PITHD1: variants seen among roughly 807,000 people sequenced by gnomAD.
PITHD1 encodes PITH domain-containing protein 1.
A neutral mutation model predicts 27.5 loss-of-function variants in PITHD1; 8 were observed. The ratio of observed to expected loss-of-function variants is 0.29; its 90% CI spans 0.17 to 0.52. PITHD1 has a LOEUF of 0.52. Ranked by LOEUF, PITHD1 falls within the 20% of genes least tolerant of loss-of-function variation. The pLI is 0.96. For synonymous variants in PITHD1, 118 were observed against 106.8 expected, an observed-to-expected ratio of 1.10 and a Z score of -0.64; for missense variants, 233 against 283.9, an observed-to-expected ratio of 0.82 and a Z score of 1.29.
In PITHD1 at chr1:23,788,200, A is replaced by G. The variant is rs1049691402; in HGVS notation, c.*824A>G. ...TCATGGCTTTTATTCACTGTGACTAATAAGCTTCCTAATAAATCCTTGCCA... is the reference window on the plus strand; with the variant it reads ...TCATGGCTTTTATTCACTGTGACTAGTAAGCTTCCTAATAAATCCTTGCCA... On this transcript the variant is annotated 3_prime_UTR_variant, in exon 6 of 6. Transcript: ENST00000246151. 1 of 152,240 alleles carries G rather than the reference A, an allele frequency of 6.6e-6. No homozygotes were observed. Among genetic ancestry groups the G allele is most frequent in the African/African-American group, 2.4e-5 (1 of 41,470 alleles). 9.4% of individuals were successfully genotyped at this position (152,240 alleles called of 1,614,324 possible).
At chr1:23,780,911 A>G (rs1638587091) in intron 3 of PITHD1, among the ~76,000 whole-genome samples, 1 of 150,128 alleles carries the variant, frequency 6.7e-6, no homozygotes, top group South Asian at 2.1e-4. Flanking sequence ...AAAAAATTCA[A>G]ATCCTAAAGG....
intron 3 of PITHD1, among the ~76,000 whole-genome samples, chr1:23,780,308 G>A (rs1373508531): frequency 6.6e-6 from 1 of 151,978 alleles, no homozygotes; most frequent in African/African-American, 2.4e-5. Context: ...ATTTTTCCTT[G>A]CTATTTCATA....
In PITHD1 at chr1:23,787,578, G is replaced by A. The variant is rs1017217381; in HGVS notation, c.*202G>A. 7 of 420,366 alleles carry A rather than the reference G, an allele frequency of 1.7e-5. No homozygotes were observed. Among genetic ancestry groups the A allele is most frequent in the African/African-American group, 1.2e-4 (6 of 49,434 alleles). The allele number at this position is 420,366 out of a possible 1,614,324, so 26.0% of individuals were successfully genotyped here. A position where few individuals can be genotyped will look rare whatever the true frequency, so the allele number is the denominator to read the frequency against. ...GTTGTGTAGGTGCCAGGGGACCATC[G>A]TGGTTCTCTAGGGCGCTGTGGAAAT... is the stretch of plus-strand genomic sequence containing the variant. On this transcript the variant is annotated 3_prime_UTR_variant, in exon 6 of 6. Transcript: ENST00000246151.
In PITHD1 at chr1:23,779,857, C is replaced by T. The variant is rs769750765; in HGVS notation, c.243-7C>T. 1.2e-6 allele frequency: 2 copies of T among 1,610,126 alleles called. No individual in the cohort carries two copies. Among genetic ancestry groups the T allele is most frequent in the African/African-American group, 1.3e-5 (1 of 74,818 alleles). On this transcript the variant is annotated splice_region_variant and splice_polypyrimidine_tract_variant and intron_variant, in intron 2 of 5. Coordinates refer to ENST00000246151, the MANE Select transcript of PITHD1 (RefSeq NM_020362.5). ...GTTTGACAACCTTCTCTTTTGCATT[C>T]TGGCAGATTTACGGGCAATGTCAAG...
chr1:23,783,782 A>C lies in PITHD1; in HGVS notation c.321-1893A>C, dbSNP rs149567639. Among the ~76,000 whole-genome samples, 930 of 152,176 alleles carry C rather than the reference A, an allele frequency of 6.1e-3. 3 individuals are homozygous for C. Among genetic ancestry groups the C allele is most frequent in the Non-Finnish European group, 9.7e-3 (659 of 67,998 alleles). On this transcript the variant is annotated intron_variant, in intron 3 of 5. Coordinates refer to ENST00000246151, the MANE Select transcript of PITHD1 (RefSeq NM_020362.5). ...TACTGGAATATTTATAGGTGAAATG[A>C]TGTGTCTGGGATTGCTTTAAAATAT...
Position 23,787,396 on chromosome 1 carries a change from T to C in PITHD1, c.*20T>C, listed in dbSNP as rs920953174. ...TCCTAAGGGCTGGCCAAGGCTCCCA[T>C]AGAGGCGCTGTGTCAGTGAAGATGT... On this transcript the variant is annotated 3_prime_UTR_variant, in exon 6 of 6. Transcript: ENST00000246151. The C allele has an allele frequency of 5.2e-6, 7 of 1,338,076 alleles. No individual in the cohort carries two copies. Among genetic ancestry groups the C allele is most frequent in the South Asian group, 4.7e-5 (4 of 84,402 alleles). 82.9% of individuals were successfully genotyped at this position (1,338,076 alleles called of 1,614,324 possible). A position where few individuals can be genotyped will look rare whatever the true frequency, so the allele number is the denominator to read the frequency against.
chr1:23,781,279 A>G (rs1410633767), intron 3 of PITHD1, among the ~76,000 whole-genome samples: 1 of 152,156 alleles, frequency 6.6e-6, no homozygotes, highest in Non-Finnish European at 1.5e-5. Context: ...CCTGGTCAAC[A>G]TGGCGAAACC....
intron 3 of PITHD1, among the ~76,000 whole-genome samples, chr1:23,781,066 TA>T (rs1638589749): frequency 6.6e-6 from 1 of 151,918 alleles, no homozygotes; most frequent in African/African-American, 2.4e-5. Context: ...CACACGCCTG[TA>T]ATCCCAGCTA....
At chr1:23,779,998 C>T (rs974858510) in intron 3 of PITHD1, 57 bp downstream of exon 3, 2 of 1,056,028 alleles carry the variant, frequency 1.9e-6, no homozygotes, top group Admixed American at 1.8e-5. Context: ...TTTCTGGTAA[C>T]ATTTTATTCC....
chr1:23,783,279 A>T (rs188302670), intron 3 of PITHD1, among the ~76,000 whole-genome samples: 1 of 150,510 alleles, frequency 6.6e-6, no homozygotes, highest in Non-Finnish European at 1.5e-5. Context: ...TCACAGGCAC[A>T]TGTGTGTATA....
chr1:23,787,212 G>A, intron 5 of PITHD1, 63 bp from the exon 6 acceptor site: 2 of 1,000,992 alleles, frequency 2.0e-6, no homozygotes, highest in Non-Finnish European at 3.2e-6. Context: ...ACCGCAATGT[G>A]TGTGGTGTGG....
At chr1:23,779,566 A>T (rs1048127408) in intron 2 of PITHD1, 85 bp downstream of exon 2, 14 of 1,039,564 alleles carry the variant, frequency 1.3e-5, no homozygotes, top group East Asian at 4.7e-5. Context: ...TGTCAAGAGC[A>T]CACATTTGCT....
At chr1:23,786,922 T>G (rs1034443918) in intron 5 of PITHD1, among the ~76,000 whole-genome samples, 4 of 152,138 alleles carry the variant, frequency 2.6e-5, no homozygotes, top group Admixed American at 2.0e-4. Flanking sequence ...ATTCACAGTT[T>G]TCTACTTTCA....
chr1:23,785,723 A>G lies in PITHD1; in HGVS notation c.369A>G (p.Pro123=). Residue 123 remains proline, a synonymous_variant, in exon 4 of 6, where the codon CCA becomes CCG. Transcript: ENST00000246151. ...QMSFDDTERE[P]DQTFSLNRDL... is the part of the protein sequence containing the mutation. ...CCTTTGATGATACAGAAAGGGAGCCAGATCAGACCTTTAGTCTGAACCGGG... is the reference window on the plus strand; with the variant it reads ...CCTTTGATGATACAGAAAGGGAGCCGGATCAGACCTTTAGTCTGAACCGGG... 1 of 1,611,238 alleles carries G rather than the reference A, an allele frequency of 6.2e-7. No individual in the cohort carries two copies.
At chr1:23,785,984 T>C (rs1227430047) in intron 4 of PITHD1, among the ~76,000 whole-genome samples, 1 of 152,216 alleles carries the variant, frequency 6.6e-6, no homozygotes. Context: ...CTGAATGAAC[T>C]CCTAGGGTGG....
Position 23,778,507 on chromosome 1 carries a change from G to A in PITHD1, c.-9G>A, listed in dbSNP as rs906924213. The A allele has an allele frequency of 3.0e-6, 4 of 1,347,228 alleles. No homozygotes were observed. The African/African-American group carries it at 4.6e-5, about 15-fold the overall frequency. The allele number at this position is 1,347,228 out of a possible 1,614,324, so 83.5% of individuals were successfully genotyped here. ...GGGGCCGAGAGGACGCGCAGGTGGC[G>A]GCGTTGCCATGTCGCACGGTCACAG... is the stretch of plus-strand genomic sequence containing the variant. On this transcript the variant is annotated 5_prime_UTR_variant, in exon 1 of 6. Coordinates refer to ENST00000246151, the MANE Select transcript of PITHD1 (RefSeq NM_020362.5).
At chr1:23,778,800 A>G (rs1027928214) in intron 1 of PITHD1, 87 bp downstream of exon 1, 3 of 803,596 alleles carry the variant, frequency 3.7e-6, no homozygotes. Flanking sequence ...TGTTAAGAAT[A>G]ACGACAGCCT....
At chr1:23,786,993 A>G (rs1410458641) in intron 5 of PITHD1, among the ~76,000 whole-genome samples, 1 of 152,200 alleles carries the variant, frequency 6.6e-6, no homozygotes, top group Non-Finnish European at 1.5e-5. Flanking sequence ...ATAAGATAAT[A>G]CCATAGACAA....
At position 23,787,972 on chromosome 1, in the gene PITHD1, C is replaced by T. The variant is rs1349687684; in HGVS notation, c.*596C>T. On this transcript the variant is annotated 3_prime_UTR_variant, in exon 6 of 6. Transcript: ENST00000246151. ...GGAGTCTCCTGCTGATGCGTGATAGCTTAAGCTTGGGGAGAAGGTCTTTTC... is the reference window on the plus strand; with the variant it reads ...GGAGTCTCCTGCTGATGCGTGATAGTTTAAGCTTGGGGAGAAGGTCTTTTC... 1 of 152,258 alleles carries T rather than the reference C, an allele frequency of 6.6e-6. No homozygotes were observed. The highest frequency in any genetic ancestry group is 1.9e-4 in the East Asian group (1 of 5,196). 9.4% of individuals were successfully genotyped at this position (152,258 alleles called of 1,614,324 possible). A position where few individuals can be genotyped will look rare whatever the true frequency, so the allele number is the denominator to read the frequency against.
Sources: gnomAD v4.1 joint callset for allele counts (sites outside exome capture counted in the v4.1 genomes callset) on GRCh38, gnomAD v4.1.1 for gene constraint, MANE v1.5 for transcripts, NCBI Gene and HGNC (gene_info 2026-07-23, HGNC 2026-07-21) for gene names.